VDAC1: variants seen among roughly 807,000 people sequenced by gnomAD.
VDAC1 encodes the protein voltage dependent anion channel 1.
In VDAC1, 10 loss-of-function variants were observed where a neutral mutation model predicts 34.7. That is an observed-to-expected ratio of 0.29 (90% CI 0.18 to 0.49). The LOEUF is 0.49. Ranked by LOEUF, VDAC1 falls within the 20% of genes least tolerant of loss-of-function variation. The pLI is 0.99. For missense variants in VDAC1, 230 were observed against 347.9 expected (o/e 0.66, Z 2.69); for synonymous variants, 130 against 136.0 (o/e 0.96, Z 0.30).
chr5:133,976,151 G>C (rs34017723), intron 6 of VDAC1, 130 bp from the exon 7 acceptor site: 302,278 of 1,134,406 alleles, frequency 0.27, 43,710 homozygotes, highest in Non-Finnish European at 0.29. Flanking sequence ...ATTAAGGGAA[G>C]TCAGAAGTTC....
At chr5:134,060,248 T>C in the VDAC1 span, among the ~76,000 whole-genome samples, 1 of 151,922 alleles carries the variant, frequency 6.6e-6, no homozygotes, top group African/African-American at 2.4e-5. Context: ...GCAACTGTGC[T>C]CCAGCTACCA....
chr5:134,039,555 T>G, the VDAC1 span, among the ~76,000 whole-genome samples: 12 of 152,080 alleles, frequency 7.9e-5, no homozygotes, highest in African/African-American at 2.9e-4. Flanking sequence ...GGTCTCGATC[T>G]GCTGACCTCG....
At chr5:134,038,079 C>T in the VDAC1 span, among the ~76,000 whole-genome samples, 1 of 152,110 alleles carries the variant, frequency 6.6e-6, no homozygotes. Flanking sequence ...GGCCTCTACC[C>T]TCAAGGAGTT....
chr5:134,050,099 A>G, the VDAC1 span, among the ~76,000 whole-genome samples: 1 of 152,070 alleles, frequency 6.6e-6, no homozygotes, highest in African/African-American at 2.4e-5. Context: ...AAATACAAAA[A>G]TTAGCCAGGC....
At chr5:134,083,974 G>A in the VDAC1 span, among the ~76,000 whole-genome samples, 1 of 152,238 alleles carries the variant, frequency 6.6e-6, no homozygotes, top group Non-Finnish European at 1.5e-5. Context: ...CTTATGAGCT[G>A]TGTGATCTCA....
chr5:134,020,614 C>T, the VDAC1 span, among the ~76,000 whole-genome samples: 2 of 152,232 alleles, frequency 1.3e-5, no homozygotes, highest in Admixed American at 6.5e-5. Flanking sequence ...GGTATATAAA[C>T]ATGCTGCATT....
intron 6 of VDAC1, among the ~76,000 whole-genome samples, chr5:133,979,565 G>T (rs1752612527): frequency 6.6e-6 from 1 of 151,352 alleles, no homozygotes; most frequent in Non-Finnish European, 1.5e-5. Flanking sequence ...AAGTAGCTGG[G>T]ATTACAGGCA....
chr5:134,009,728 C>T (rs1307364595), upstream of VDAC1, among the ~76,000 whole-genome samples: 1 of 152,098 alleles, frequency 6.6e-6, no homozygotes, highest in East Asian at 1.9e-4. Flanking sequence ...GTCACCCAGG[C>T]TGGAGTTCAG....
chr5:134,095,788 A>G, the VDAC1 span, among the ~76,000 whole-genome samples: 1 of 152,230 alleles, frequency 6.6e-6, no homozygotes. Flanking sequence ...AATCAAACGT[A>G]AAGTGCAGTT....
At chr5:134,110,101 T>C in the VDAC1 span, among the ~76,000 whole-genome samples, 2 of 152,108 alleles carry the variant, frequency 1.3e-5, no homozygotes, top group Admixed American at 1.3e-4. Context: ...GCTGGCACAA[T>C]GTGGGAAAAA....
At chr5:133,990,444 T>C (rs1447818869) in intron 5 of VDAC1, among the ~76,000 whole-genome samples, 1 of 152,208 alleles carries the variant, frequency 6.6e-6, no homozygotes, top group Non-Finnish European at 1.5e-5. Flanking sequence ...GCAACCTCCA[T>C]GGCAGAAACT....
the VDAC1 span, among the ~76,000 whole-genome samples, chr5:134,066,095 T>C: frequency 6.6e-6 from 1 of 151,990 alleles, no homozygotes; most frequent in Non-Finnish European, 1.5e-5. Flanking sequence ...GCCTGGTCGA[T>C]AGTAAATATT....
the VDAC1 span, among the ~76,000 whole-genome samples, chr5:134,010,938 C>T: frequency 6.6e-6 from 1 of 151,096 alleles, no homozygotes; most frequent in African/African-American, 2.4e-5. Flanking sequence ...TACCCAACAC[C>T]TCCCAAAGTT....
chr5:133,981,481 A>G (rs1445066226), intron 5 of VDAC1, among the ~76,000 whole-genome samples: 1 of 152,350 alleles, frequency 6.6e-6, no homozygotes, highest in East Asian at 1.9e-4. Flanking sequence ...ATGGATTTCA[A>G]TTCCATATTC....
At chr5:134,019,941 C>T in the VDAC1 span, among the ~76,000 whole-genome samples, 1 of 152,172 alleles carries the variant, frequency 6.6e-6, no homozygotes, top group African/African-American at 2.4e-5. Context: ...TTCTCTCTGA[C>T]ATGGGCAATG....
the VDAC1 span, among the ~76,000 whole-genome samples, chr5:134,061,528 T>C: frequency 6.6e-6 from 1 of 151,386 alleles, no homozygotes; most frequent in South Asian, 2.1e-4. Flanking sequence ...CACACCACCA[T>C]ACCCAGCTAA....
the VDAC1 span, among the ~76,000 whole-genome samples, chr5:134,031,687 C>T: frequency 6.6e-6 from 1 of 152,078 alleles, no homozygotes; most frequent in Non-Finnish European, 1.5e-5. Flanking sequence ...CGCAGTGGCT[C>T]ATGCCATAAT....
the VDAC1 span, among the ~76,000 whole-genome samples, chr5:134,034,132 A>C: frequency 6.6e-6 from 1 of 152,222 alleles, no homozygotes; most frequent in African/African-American, 2.4e-5. Context: ...TAAAGACAAA[A>C]AGATCAAGGC....
Position 133,979,392 on chromosome 5 carries a change from T to C in VDAC1, c.551+1337A>G, listed in dbSNP as rs574653571. Among the ~76,000 whole-genome samples the C allele has an allele frequency of 7.3e-5, 11 of 150,620 alleles. No homozygotes were observed. In the East Asian group the frequency reaches 2.1e-3, roughly 29 times the overall value. The stretch of plus-strand genomic sequence containing the variant: ...TTTAGTATGTTTCACCTCTTCTTAA[T>C]TAAACATATAATAAAATTGATATTT... On this transcript the variant is annotated intron_variant, in intron 6 of 8. Coordinates refer to ENST00000265333, the MANE Select transcript of VDAC1 (RefSeq NM_003374.3).
Sources: allele counts gnomAD v4.1 joint callset (sites outside exome capture counted in the v4.1 genomes callset), GRCh38; gene constraint gnomAD v4.1.1; transcripts MANE v1.5; gene names NCBI Gene and HGNC (gene_info 2026-07-23, HGNC 2026-07-21).